The following MAF variants were observed in gnomAD, a reference collection of about 807,000 sequenced individuals.
MAF encodes MAF bZIP transcription factor.
MAF carries 10 observed loss-of-function variants against 22.0 expected under a neutral mutation model. That is an observed-to-expected ratio of 0.45 (90% CI 0.28 to 0.77). The LOEUF (loss-of-function observed/expected upper bound fraction) is 0.77. Ranked by LOEUF, MAF falls within the 30% of genes least tolerant of loss-of-function variation. The probability of loss-of-function intolerance (pLI) is 0.12; values close to 1 mark genes in which losing one functional copy is unlikely to be tolerated. For synonymous variants in MAF, 337 were observed against 255.8 expected (o/e 1.32, Z -3.03); for missense variants, 544 against 548.4 (o/e 0.99, Z 0.08).
At chr16:79,505,629 G>A in the MAF span, 1 of 152,246 alleles carries the variant, frequency 6.6e-6, no homozygotes, top group Non-Finnish European at 1.5e-5. Flanking sequence ...GCATCACTGA[G>A]GGAGCCACGA....
chr16:79,345,867 C>T, the MAF span, among the ~76,000 whole-genome samples: 5 of 149,442 alleles, frequency 3.3e-5, no homozygotes, highest in Non-Finnish European at 5.9e-5. Context: ...TGTTTGGGTA[C>T]TGTAATTATT....
At chr16:79,571,483 G>C in the MAF span, among the ~76,000 whole-genome samples, 1 of 149,264 alleles carries the variant, frequency 6.7e-6, no homozygotes, top group Non-Finnish European at 1.5e-5. Flanking sequence ...ATTCTTTCTA[G>C]CCTGGTGCAG....
At chr16:79,269,318 A>C in the MAF span, among the ~76,000 whole-genome samples, 1 of 151,872 alleles carries the variant, frequency 6.6e-6, no homozygotes, top group Non-Finnish European at 1.5e-5. Flanking sequence ...TCCTCCTCTC[A>C]CTCACTGCCC....
At chr16:79,390,193 C>T in the MAF span, among the ~76,000 whole-genome samples, 5 of 151,894 alleles carry the variant, frequency 3.3e-5, no homozygotes, top group Non-Finnish European at 5.9e-5. Context: ...CGAATCTGAA[C>T]GACTCTCCTT....
At chr16:79,261,659 C>G in the MAF span, among the ~76,000 whole-genome samples, 3 of 152,302 alleles carry the variant, frequency 2.0e-5, no homozygotes, top group East Asian at 5.8e-4. Flanking sequence ...CGGCCTGCCC[C>G]GCCTGTCAGG....
At chr16:79,381,927 C>T in the MAF span, among the ~76,000 whole-genome samples, 1 of 152,158 alleles carries the variant, frequency 6.6e-6, no homozygotes, top group Non-Finnish European at 1.5e-5. Context: ...CCTCGCTTAA[C>T]CCACATCTGG....
chr16:79,540,001 T>C, the MAF span, among the ~76,000 whole-genome samples: 1 of 152,230 alleles, frequency 6.6e-6, no homozygotes, highest in South Asian at 2.1e-4. Flanking sequence ...TAAGCAAACA[T>C]AGCCAGGTGA....
chr16:79,228,660 AAGAT>A, the MAF span, among the ~76,000 whole-genome samples: 1 of 152,138 alleles, frequency 6.6e-6, no homozygotes, highest in South Asian at 2.1e-4. Flanking sequence ...ACAGGCATGA[AAGAT>A]AGAGGAAAAG....
the MAF span, among the ~76,000 whole-genome samples, chr16:79,223,778 T>C: frequency 6.6e-6 from 1 of 152,196 alleles, no homozygotes; most frequent in African/African-American, 2.4e-5. Context: ...GATAAATTCC[T>C]GGACATATAC....
At chr16:79,542,613 C>G in the MAF span, among the ~76,000 whole-genome samples, 1 of 152,232 alleles carries the variant, frequency 6.6e-6, no homozygotes, top group African/African-American at 2.4e-5. Flanking sequence ...GGTACAGTGG[C>G]CAGATCTGAT....
chr16:79,484,593 T>G, the MAF span, among the ~76,000 whole-genome samples: 293 of 152,270 alleles, frequency 1.9e-3, no homozygotes, highest in Middle Eastern at 0.014. Context: ...ACAGCCTCCC[T>G]TGGAAAAGGC....
chr16:79,211,082 G>T, the MAF span, among the ~76,000 whole-genome samples: 1 of 141,140 alleles, frequency 7.1e-6, no homozygotes, highest in Non-Finnish European at 1.6e-5. Context: ...ACACAACATT[G>T]CCAACCCTTC....
At chr16:79,411,123 C>A in the MAF span, among the ~76,000 whole-genome samples, 1 of 152,060 alleles carries the variant, frequency 6.6e-6, no homozygotes, top group Non-Finnish European at 1.5e-5. Flanking sequence ...ATTTTAGTTT[C>A]CACTCCCCAG....
At chr16:79,289,969 G>T in the MAF span, among the ~76,000 whole-genome samples, 1 of 148,410 alleles carries the variant, frequency 6.7e-6, no homozygotes, top group Non-Finnish European at 1.5e-5. Flanking sequence ...CGATTCTCCT[G>T]CCTCAGCCTC....
chr16:79,440,468 G>C, the MAF span, among the ~76,000 whole-genome samples: 6 of 152,000 alleles, frequency 3.9e-5, no homozygotes, highest in African/African-American at 1.2e-4. Context: ...ACGGAGTCTC[G>C]TTTGGTCACC....
the MAF span, among the ~76,000 whole-genome samples, chr16:79,520,596 C>CA: frequency 2.6e-5 from 4 of 152,100 alleles, no homozygotes; most frequent in Non-Finnish European, 5.9e-5. Context: ...GCCCCTACCA[C>CA]AAAATGGTGG....
the MAF span, among the ~76,000 whole-genome samples, chr16:79,547,905 A>T: frequency 8.9e-5 from 1 of 11,272 alleles, no homozygotes; most frequent in African/African-American, 2.8e-4. Flanking sequence ...TGTGTGTGAG[A>T]GAGAGAGAGA....
the MAF span, among the ~76,000 whole-genome samples, chr16:79,270,470 C>G: frequency 6.6e-6 from 1 of 152,118 alleles, no homozygotes; most frequent in Non-Finnish European, 1.5e-5. Flanking sequence ...AGTCTTTGAA[C>G]CATAGATTCC....
chr16:79,356,615 T>C, the MAF span, among the ~76,000 whole-genome samples: 1 of 152,168 alleles, frequency 6.6e-6, no homozygotes, highest in Non-Finnish European at 1.5e-5. Context: ...AGCTCTTTCC[T>C]TCACCATTCA....
Sources: allele counts gnomAD v4.1 joint callset (sites outside exome capture counted in the v4.1 genomes callset), GRCh38; gene constraint gnomAD v4.1.1; transcripts MANE v1.5; gene names NCBI Gene and HGNC (gene_info 2026-07-23, HGNC 2026-07-21).